The following AGMO variants were observed in gnomAD, a reference collection of about 807,000 sequenced individuals.
AGMO encodes glyceryl-ether monooxygenase.
A neutral mutation model predicts 60.2 loss-of-function variants in AGMO; 75 were observed. That is an observed-to-expected ratio of 1.25 (90% CI 1.03 to 1.51). The LOEUF (loss-of-function observed/expected upper bound fraction) is 1.51, where lower values mean the gene tolerates loss of function less well. AGMO is among the 40% of genes most tolerant of loss of function. The probability of loss-of-function intolerance (pLI) is 0.00; values close to 1 mark genes in which losing one functional copy is unlikely to be tolerated. For missense variants in AGMO, 763 were observed against 525.5 expected, an observed-to-expected ratio of 1.45 and a Z score of -4.42; for synonymous variants, 261 against 177.1, an observed-to-expected ratio of 1.47 and a Z score of -3.76.
chr7:15,459,250 G>C (rs1462485111), intron 3 of AGMO, among the ~76,000 whole-genome samples: 1 of 152,174 alleles, frequency 6.6e-6, no homozygotes, highest in Non-Finnish European at 1.5e-5. Context: ...GTTGTTTTGA[G>C]TGAAAACTGT....
At chr7:15,379,206 A>G (rs1220823702) in intron 10 of AGMO, among the ~76,000 whole-genome samples, 2 of 152,094 alleles carry the variant, frequency 1.3e-5, no homozygotes, top group Non-Finnish European at 2.9e-5. Flanking sequence ...TCACGACTAA[A>G]TAACTAGAGA....
At chr7:15,431,317 C>T (rs1382504430) in intron 3 of AGMO, among the ~76,000 whole-genome samples, 1 of 151,810 alleles carries the variant, frequency 6.6e-6, no homozygotes, top group Non-Finnish European at 1.5e-5. Flanking sequence ...AAAATGAAAG[C>T]ATAGCCAATA....
chr7:15,467,414 T>C (rs1406216022), intron 3 of AGMO, among the ~76,000 whole-genome samples: 1 of 152,234 alleles, frequency 6.6e-6, no homozygotes, highest in East Asian at 1.9e-4. Context: ...TCTGACAATA[T>C]AATTAGTTAC....
At chr7:15,176,093 A>G in the AGMO span, among the ~76,000 whole-genome samples, 1 of 152,052 alleles carries the variant, frequency 6.6e-6, no homozygotes, top group East Asian at 1.9e-4. Context: ...AATTGCTATC[A>G]TTACACTAGT....
Position 15,394,151 on chromosome 7 carries a change from A to T in AGMO, c.638T>A (p.Leu213Gln), listed in dbSNP as rs374622798. Residue 213 changes from leucine (L) to glutamine (Q), a missense_variant, in exon 6 of 13, where the codon CTG becomes CAG. By Grantham distance (113) the Leu-to-Gln change is moderately radical. Transcript: ENST00000342526. ...ATGATGGCTAGGAGTATTAAGAATC[A>T]GTTCCAAAGGACCAAGGTTATTGAT... Reference protein sequence around the residue: ...EVINNLGPLELILNTPSHHRV... With the variant: ...EVINNLGPLEQILNTPSHHRV... 7 of 1,612,314 alleles carry T rather than the reference A, an allele frequency of 4.3e-6. No individual in the cohort carries two copies. Among genetic ancestry groups the T allele is most frequent in the African/African-American group, 1.3e-5 (1 of 74,878 alleles).
At chr7:15,445,994 T>A (rs1241464070) in intron 3 of AGMO, among the ~76,000 whole-genome samples, 2 of 152,232 alleles carry the variant, frequency 1.3e-5, no homozygotes, top group Admixed American at 6.5e-5. Flanking sequence ...TATTTAAATA[T>A]CATTTTGAAA....
intron 12 of AGMO, among the ~76,000 whole-genome samples, chr7:15,342,119 C>G (rs559743264): frequency 2.6e-4 from 34 of 133,292 alleles, no homozygotes; most frequent in African/African-American, 8.7e-4. Flanking sequence ...CATTTAAACT[C>G]ATGTGACTGG....
intron 12 of AGMO, among the ~76,000 whole-genome samples, chr7:15,256,233 A>G (rs1374073963): frequency 6.6e-6 from 1 of 152,260 alleles, no homozygotes; most frequent in Non-Finnish European, 1.5e-5. Flanking sequence ...AGAGTTTTGT[A>G]AAGAACATCT....
intron 3 of AGMO, among the ~76,000 whole-genome samples, chr7:15,498,691 C>T (rs971089505): frequency 1.3e-5 from 2 of 151,904 alleles, no homozygotes; most frequent in Admixed American, 6.6e-5. Context: ...TATTCCTCTA[C>T]TTAGAAAATG....
At chr7:15,273,902 A>G (rs980682414) in intron 12 of AGMO, among the ~76,000 whole-genome samples, 11 of 152,088 alleles carry the variant, frequency 7.2e-5, no homozygotes, top group Admixed American at 3.9e-4. Context: ...TGGGAGTTCT[A>G]TCATGATTTG....
chr7:15,515,426 G>A lies in AGMO; in HGVS notation c.409+29346C>T, dbSNP rs577246426. Among the ~76,000 whole-genome samples, 374 of 152,280 alleles carry A rather than the reference G, an allele frequency of 2.5e-3. 1 individual carries two copies. The highest frequency in any genetic ancestry group is 2.3e-3 in the East Asian group (12 of 5,172). On this transcript the variant is annotated intron_variant, in intron 3 of 12. Transcript: ENST00000342526. Reference sequence around the variant, plus strand: ...CCCACTTCTTCAGCTGTGTATTGGAGCTCAGCCAAAGAAGTTCAACTTGAA... The same window carrying A: ...CCCACTTCTTCAGCTGTGTATTGGAACTCAGCCAAAGAAGTTCAACTTGAA...
At chr7:15,459,066 A>T (rs866967684) in intron 3 of AGMO, among the ~76,000 whole-genome samples, 1 of 152,174 alleles carries the variant, frequency 6.6e-6, no homozygotes, top group African/African-American at 2.4e-5. Flanking sequence ...CTGCCCACAT[A>T]CAAATGTCCT....
chr7:15,168,773 C>T, the AGMO span, among the ~76,000 whole-genome samples: 3 of 152,190 alleles, frequency 2.0e-5, no homozygotes, highest in African/African-American at 7.2e-5. Flanking sequence ...GGTGTCAAAA[C>T]ATATGACTCA....
intron 5 of AGMO, among the ~76,000 whole-genome samples, chr7:15,412,176 TGC>T (rs1223220064): frequency 1.3e-5 from 2 of 152,176 alleles, no homozygotes; most frequent in Non-Finnish European, 2.9e-5. Context: ...TTTCTCATTT[TGC>T]ACATTGCATC....
intron 3 of AGMO, among the ~76,000 whole-genome samples, chr7:15,485,312 G>A (rs1351312723): frequency 4.0e-5 from 6 of 151,422 alleles, no homozygotes; most frequent in African/African-American, 1.5e-4. Context: ...GCAAGATTCT[G>A]TTTGAAAAAA....
At chr7:15,323,424 G>A (rs1033282503) in intron 12 of AGMO, among the ~76,000 whole-genome samples, 1 of 152,042 alleles carries the variant, frequency 6.6e-6, no homozygotes, top group Non-Finnish European at 1.5e-5. Flanking sequence ...TTTCAAGGGG[G>A]ATAAAAGATA....
intron 3 of AGMO, among the ~76,000 whole-genome samples, chr7:15,518,418 G>C (rs925262458): frequency 9.9e-5 from 15 of 152,136 alleles, no homozygotes; most frequent in African/African-American, 3.1e-4. Context: ...TCATACAGGA[G>C]AGCTCTGTCT....
chr7:15,395,372 A>G (rs951851488), intron 5 of AGMO, among the ~76,000 whole-genome samples: 2 of 152,232 alleles, frequency 1.3e-5, no homozygotes, highest in African/African-American at 4.8e-5. Context: ...ATGCATAACT[A>G]AATTTAAGGT....
chr7:15,355,130 G>GT (rs1782473766), intron 12 of AGMO, among the ~76,000 whole-genome samples: 1 of 152,058 alleles, frequency 6.6e-6, no homozygotes, highest in Non-Finnish European at 1.5e-5. Flanking sequence ...AATTTTAAAT[G>GT]TGAGTATCCT....
Sources: allele counts gnomAD v4.1 joint callset (sites outside exome capture counted in the v4.1 genomes callset), GRCh38; gene constraint gnomAD v4.1.1; transcripts MANE v1.5; gene names NCBI Gene and HGNC (gene_info 2026-07-23, HGNC 2026-07-21).